RYR2: variants seen among roughly 807,000 people sequenced by gnomAD.
RYR2 encodes the protein cardiac muscle ryanodine receptor-calcium release channel.
In RYR2, 227 loss-of-function variants were observed where a neutral mutation model predicts 601.1. The observed-to-expected ratio is 0.38, with a 90% CI of 0.34 to 0.42. The LOEUF (loss-of-function observed/expected upper bound fraction) is 0.42, where lower values mean the gene tolerates loss of function less well. Among genes scored for constraint, RYR2 ranks in the 10% least tolerant of loss-of-function variants. The probability of loss-of-function intolerance (pLI) is 1.00; values close to 1 mark genes in which losing one functional copy is unlikely to be tolerated. For synonymous variants in RYR2, 2,223 were observed against 2,175.1 expected, an observed-to-expected ratio of 1.02 and a Z score of -0.61; for missense variants, 4,646 against 6,156.5, an observed-to-expected ratio of 0.75 and a Z score of 8.21.
chr1:237,405,103 G>A (rs1703729384), intron 10 of RYR2, among the ~76,000 whole-genome samples: 1 of 152,164 alleles, frequency 6.6e-6, no homozygotes. Flanking sequence ...AAATGGTGGT[G>A]TTTCTCAGCC....
At chr1:237,179,175 G>A (rs1216019858) in intron 1 of RYR2, among the ~76,000 whole-genome samples, 1 of 152,152 alleles carries the variant, frequency 6.6e-6, no homozygotes, top group African/African-American at 2.4e-5. Flanking sequence ...TGGTACCAGA[G>A]AAACAGAAAT....
At chr1:237,294,364 T>A (rs1692535458) in intron 2 of RYR2, among the ~76,000 whole-genome samples, 1 of 151,764 alleles carries the variant, frequency 6.6e-6, no homozygotes, top group African/African-American at 2.4e-5. Context: ...AGGTAGCTAC[T>A]ACCAATCAGT....
At chr1:237,534,293 C>G (rs1668401204) in intron 25 of RYR2, among the ~76,000 whole-genome samples, 2 of 151,846 alleles carry the variant, frequency 1.3e-5, no homozygotes, top group African/African-American at 4.8e-5. Flanking sequence ...ATGTATACAC[C>G]AAGTAAAACA....
chr1:237,779,258 T>TTA (rs1694906283), intron 88 of RYR2, among the ~76,000 whole-genome samples: 2 of 152,210 alleles, frequency 1.3e-5, no homozygotes, highest in African/African-American at 4.8e-5. Flanking sequence ...AAAGTAGCTA[T>TTA]TATATGGATA....
chr1:237,740,566 A>T (rs996519007), intron 79 of RYR2, among the ~76,000 whole-genome samples: 8 of 152,194 alleles, frequency 5.3e-5, no homozygotes, highest in African/African-American at 1.9e-4. Context: ...ACATATCATT[A>T]TAATCCCAAA....
At chr1:237,308,118 A>G (rs989042625) in intron 2 of RYR2, among the ~76,000 whole-genome samples, 2 of 152,208 alleles carry the variant, frequency 1.3e-5, no homozygotes, top group African/African-American at 4.8e-5. Context: ...TAAGGGAAAA[A>G]ATTAATAATG....
At chr1:237,224,202 GA>G (rs145715252) in intron 1 of RYR2, among the ~76,000 whole-genome samples, 2,089 of 151,356 alleles carry the variant, frequency 0.014, 29 homozygotes, top group Middle Eastern at 0.048. Flanking sequence ...ATGACAATTT[GA>G]AAAAAAACTC....
intron 88 of RYR2, among the ~76,000 whole-genome samples, chr1:237,779,873 G>A (rs1426244137): frequency 6.6e-6 from 1 of 152,210 alleles, no homozygotes; most frequent in Non-Finnish European, 1.5e-5. Flanking sequence ...GAGAAGGGGC[G>A]AGCAGGAGCT....
intron 10 of RYR2, among the ~76,000 whole-genome samples, chr1:237,393,920 C>T (rs1205940197): frequency 6.6e-6 from 1 of 152,032 alleles, no homozygotes; most frequent in Admixed American, 6.5e-5. Flanking sequence ...GCTTCTAACA[C>T]AAGATTAAAA....
At chr1:237,398,852 A>G (rs541826405) in intron 10 of RYR2, among the ~76,000 whole-genome samples, 2 of 152,238 alleles carry the variant, frequency 1.3e-5, no homozygotes, top group Non-Finnish European at 2.9e-5. Flanking sequence ...TGGTATGTCC[A>G]TAGCGTGGGA....
At chr1:237,531,651 C>T (rs1469895060) in intron 25 of RYR2, among the ~76,000 whole-genome samples, 1 of 152,132 alleles carries the variant, frequency 6.6e-6, no homozygotes, top group Non-Finnish European at 1.5e-5. Flanking sequence ...TCTAGTTCAA[C>T]AGTCTATGAA....
At chr1:237,374,881 G>A (rs1465084390) in intron 7 of RYR2, 86 bp downstream of exon 7, 1 of 987,754 alleles carries the variant, frequency 1.0e-6, no homozygotes, top group East Asian at 2.6e-5. Context: ...ACGATACATG[G>A]GATGAATGTT....
At chr1:237,787,102 T>A (rs1316967967) in intron 91 of RYR2, among the ~76,000 whole-genome samples, 1 of 152,112 alleles carries the variant, frequency 6.6e-6, no homozygotes, top group African/African-American at 2.4e-5. Flanking sequence ...ACCTAAAGGA[T>A]ATCAAATGTC....
At chr1:237,421,153 C>T (rs1705526189) in intron 11 of RYR2, among the ~76,000 whole-genome samples, 1 of 152,174 alleles carries the variant, frequency 6.6e-6, no homozygotes. Flanking sequence ...GCTAGAGAAT[C>T]GCTTGAACCC....
At chr1:237,278,552 T>C (rs571033290) in intron 2 of RYR2, among the ~76,000 whole-genome samples, 1 of 152,294 alleles carries the variant, frequency 6.6e-6, no homozygotes, top group Non-Finnish European at 1.5e-5. Context: ...CTCTGGGAGA[T>C]AGTAGGATAG....
At chr1:237,671,502 G>GGTGT (rs367893618) in intron 58 of RYR2, among the ~76,000 whole-genome samples, 8 of 149,280 alleles carry the variant, frequency 5.4e-5, no homozygotes, top group African/African-American at 2.0e-4. Flanking sequence ...TTGGTGCCTG[G>GGTGT]GTGTGTGTGT....
Position 237,574,725 on chromosome 1 carries a change from C to G in RYR2, c.3598+5406C>G, listed in dbSNP as rs1389010649. 2.6e-5 allele frequency among the ~76,000 whole-genome samples: 4 copies of G among 151,842 alleles called. No homozygotes were observed. In the East Asian group the frequency reaches 7.7e-4, roughly 29 times the overall value. On this transcript the variant is annotated intron_variant, in intron 29 of 104. Coordinates refer to ENST00000366574, the MANE Select transcript of RYR2 (RefSeq NM_001035.3). ...AGAACAGCCCCAAGTTCATAGCTGG[C>G]AAAAAAACAAACAAAAACCGAGAAA...
intron 1 of RYR2, among the ~76,000 whole-genome samples, chr1:237,158,723 G>T (rs186272850): frequency 6.6e-6 from 1 of 152,140 alleles, no homozygotes; most frequent in Non-Finnish European, 1.5e-5. Flanking sequence ...TCCAGGTTTC[G>T]TCTCCTCAGT....
At chr1:237,658,059 A>G in intron 54 of RYR2, 37 bp downstream of exon 54, 1 of 1,150,180 alleles carries the variant, frequency 8.7e-7, no homozygotes. Flanking sequence ...AGTAGTCATT[A>G]TTAATGACTG....
Sources: gnomAD v4.1 joint callset for allele counts (sites outside exome capture counted in the v4.1 genomes callset) on GRCh38, gnomAD v4.1.1 for gene constraint, MANE v1.5 for transcripts, NCBI Gene and HGNC (gene_info 2026-07-23, HGNC 2026-07-21) for gene names.